The following KIAA1549L variants were observed in gnomAD, a reference collection of about 807,000 sequenced individuals.
KIAA1549L encodes the protein KIAA1549 like.
In KIAA1549L, 88 loss-of-function variants were observed where a neutral mutation model predicts 160.7. The observed-to-expected ratio is 0.55, with a 90% CI of 0.46 to 0.65. The LOEUF is 0.65. Ranked by LOEUF, KIAA1549L falls within the 30% of genes least tolerant of loss-of-function variation. KIAA1549L has a pLI of 0.00. For missense variants in KIAA1549L, 2,258 were observed against 2,437.5 expected, an observed-to-expected ratio of 0.93 and a Z score of 1.55; for synonymous variants, 950 against 976.7, an observed-to-expected ratio of 0.97 and a Z score of 0.51.
intron 1 of KIAA1549L, among the ~76,000 whole-genome samples, chr11:33,524,517 A>ATTTT (rs1853569430): frequency 6.6e-6 from 1 of 151,508 alleles, no homozygotes; most frequent in Non-Finnish European, 1.5e-5. Flanking sequence ...AGAGGAATTT[A>ATTTT]CTATTTCTAA....
intron 1 of KIAA1549L, among the ~76,000 whole-genome samples, chr11:33,525,528 T>A (rs1208635454): frequency 1.3e-5 from 2 of 151,026 alleles, no homozygotes; most frequent in African/African-American, 4.9e-5. Flanking sequence ...TGGAAGCTTC[T>A]GGCTGAACTT....
chr11:33,559,429 T>C (rs1471895923), intron 6 of KIAA1549L, among the ~76,000 whole-genome samples: 3 of 152,216 alleles, frequency 2.0e-5, no homozygotes, highest in African/African-American at 7.2e-5. Context: ...TATCCTTTAT[T>C]AGCTGTGTGA....
At chr11:33,547,448 G>A (rs1459460606) in intron 3 of KIAA1549L, among the ~76,000 whole-genome samples, 1 of 152,224 alleles carries the variant, frequency 6.6e-6, no homozygotes, top group East Asian at 1.9e-4. Flanking sequence ...GTCCATGAAT[G>A]TTGTTGCAGG....
At chr11:33,387,270 G>T (rs569023882) in intron 1 of KIAA1549L, among the ~76,000 whole-genome samples, 73 of 152,052 alleles carry the variant, frequency 4.8e-4, no homozygotes, top group Non-Finnish European at 8.8e-4. Flanking sequence ...AAAGTATCAG[G>T]TACCTCTAGT....
intron 6 of KIAA1549L, among the ~76,000 whole-genome samples, chr11:33,558,104 G>T (rs956203727): frequency 3.3e-5 from 5 of 152,124 alleles, no homozygotes; most frequent in Admixed American, 3.3e-4. Context: ...TAAATATTAT[G>T]TATCATTTTT....
chr11:33,666,058 A>G (rs924577662), intron 20 of KIAA1549L, among the ~76,000 whole-genome samples: 1 of 152,134 alleles, frequency 6.6e-6, no homozygotes, highest in African/African-American at 2.4e-5. Context: ...GGGTGGTTGT[A>G]GCAGTACCCA....
rs147982111 is a variant in KIAA1549L, at chr11:33,556,623, C to A, written c.3856-3126C>A. 5.6e-3 allele frequency among the ~76,000 whole-genome samples: 860 copies of A among 152,262 alleles called. 11 individuals are homozygous for A. The highest frequency in any genetic ancestry group is 0.02 in the African/African-American group (824 of 41,556). On this transcript the variant is annotated intron_variant, in intron 6 of 20. Coordinates refer to ENST00000658780, the MANE Select transcript of KIAA1549L (RefSeq NM_012194.3). ...CAGAAGGACAAATACTATATGATTT[C>A]TCTTATAAAAGATATCTAGAGTTGT...
intron 1 of KIAA1549L, among the ~76,000 whole-genome samples, chr11:33,468,439 A>G (rs1456242096): frequency 6.6e-6 from 1 of 152,252 alleles, no homozygotes; most frequent in East Asian, 1.9e-4. Flanking sequence ...GGAGTGTTAC[A>G]GAGTCACCCA....
chr11:33,576,725 G>A (rs1050989498), intron 10 of KIAA1549L, among the ~76,000 whole-genome samples: 8 of 152,194 alleles, frequency 5.3e-5, no homozygotes, highest in Admixed American at 5.2e-4. Context: ...GCGGGGCTCA[G>A]AGGAATCAAG....
rs368980018 is a variant in KIAA1549L, at chr11:33,544,247, C to G, written c.2684C>G (p.Ser895Cys). 3.1e-6 allele frequency: 5 copies of G among 1,613,896 alleles called. No homozygotes were observed. Among genetic ancestry groups the G allele is most frequent in the East Asian group, 2.2e-5 (1 of 44,888 alleles). The change falls in exon 2 of 21, where the codon TCT becomes TGT. Residue 895 changes from serine (S) to cysteine (C), a missense_variant. By Grantham distance (112) the Ser-to-Cys change is moderately radical. Coordinates refer to ENST00000658780, the MANE Select transcript of KIAA1549L (RefSeq NM_012194.3). ...TPFQNILGYH[S>C]AAESSISTSV... ...TTCCAGAACATCTTGGGATATCACT[C>G]TGCTGCTGAATCTTCTATATCGACC...
At chr11:33,434,448 T>C (rs959548835) in intron 1 of KIAA1549L, among the ~76,000 whole-genome samples, 2 of 152,204 alleles carry the variant, frequency 1.3e-5, no homozygotes, top group Non-Finnish European at 2.9e-5. Flanking sequence ...TTATTAGCAG[T>C]GTGAGAACAG....
At chr11:33,584,011 G>T (rs959554007) in intron 11 of KIAA1549L, among the ~76,000 whole-genome samples, 1 of 152,158 alleles carries the variant, frequency 6.6e-6, no homozygotes, top group African/African-American at 2.4e-5. Context: ...TAGGGCCTTT[G>T]GGAGGAGATT....
At chr11:33,513,047 A>C (rs925824838) in intron 1 of KIAA1549L, among the ~76,000 whole-genome samples, 2 of 152,086 alleles carry the variant, frequency 1.3e-5, no homozygotes, top group African/African-American at 4.8e-5. Flanking sequence ...GGTGTAATCA[A>C]CCTCAAGATA....
intron 16 of KIAA1549L, among the ~76,000 whole-genome samples, chr11:33,631,478 C>T (rs77101501): frequency 0.079 from 11,983 of 152,252 alleles, 608 homozygotes; most frequent in Non-Finnish European, 0.12. Context: ...TCATATGGTG[C>T]GCTGTCCTGT....
At chr11:33,505,928 A>G (rs764816175) in intron 1 of KIAA1549L, among the ~76,000 whole-genome samples, 1 of 152,246 alleles carries the variant, frequency 6.6e-6, no homozygotes, top group Non-Finnish European at 1.5e-5. Context: ...GCTAATTACC[A>G]TAATTACTCA....
At chr11:33,492,899 T>C (rs1458525751) in intron 1 of KIAA1549L, among the ~76,000 whole-genome samples, 1 of 152,184 alleles carries the variant, frequency 6.6e-6, no homozygotes, top group Non-Finnish European at 1.5e-5. Context: ...GTATTCGCAG[T>C]ACTAATGTGG....
intron 1 of KIAA1549L, among the ~76,000 whole-genome samples, chr11:33,471,578 T>C (rs528230021): frequency 2.6e-5 from 4 of 152,246 alleles, no homozygotes. Context: ...CTTAGAAGTC[T>C]CATTCAGGTT....
chr11:33,626,041 C>G lies in KIAA1549L; in HGVS notation c.5409+7379C>G, dbSNP rs974258044. ...AATCCTTTCCCCGTTGCTTGTTTTT[C>G]TCAGGTTTGTCAAAGATCAGATAGT... On this transcript the variant is annotated intron_variant, in intron 16 of 20. Transcript: ENST00000658780. Among the ~76,000 whole-genome samples, 31 of 150,438 alleles carry G rather than the reference C, an allele frequency of 2.1e-4. 1 individual carries two copies. Among genetic ancestry groups the G allele is most frequent in the African/African-American group, 7.5e-4 (30 of 40,012 alleles).
chr11:33,435,794 A>ATGTGTGTGTGTGTGTGTGTGTGTG (rs1447364209), intron 1 of KIAA1549L, among the ~76,000 whole-genome samples: 2 of 32,358 alleles, frequency 6.2e-5, no homozygotes, highest in African/African-American at 4.4e-4. Context: ...ATATATATAT[A>ATGTGTGTGTGTGTGTGTGTGTGTG]TATATATATA....
Sources: gnomAD v4.1 joint callset for allele counts (sites outside exome capture counted in the v4.1 genomes callset) on GRCh38, gnomAD v4.1.1 for gene constraint, MANE v1.5 for transcripts, NCBI Gene and HGNC (gene_info 2026-07-23, HGNC 2026-07-21) for gene names.